The following ARHGAP21 variants were observed in gnomAD, a reference collection of about 807,000 sequenced individuals.
ARHGAP21 encodes rho GTPase-activating protein 21.
In ARHGAP21, 38 loss-of-function variants were observed where a neutral mutation model predicts 164.6. The observed-to-expected ratio is 0.23, with a 90% CI of 0.18 to 0.30. The LOEUF (loss-of-function observed/expected upper bound fraction) is 0.30, where lower values mean the gene tolerates loss of function less well. ARHGAP21 is among the 10% of genes least tolerant of loss of function. The pLI, the probability that ARHGAP21 is intolerant of heterozygous loss-of-function variation, is 1.00. For missense variants in ARHGAP21, 1,822 were observed against 2,370.7 expected (o/e 0.77, Z 4.81); for synonymous variants, 766 against 857.9 (o/e 0.89, Z 1.87).
At chr10:24,603,967 G>GATAA (rs935722155) in intron 12 of ARHGAP21, among the ~76,000 whole-genome samples, 2 of 138,718 alleles carry the variant, frequency 1.4e-5, no homozygotes, top group African/African-American at 2.7e-5. Context: ...TTTTGGGGAT[G>GATAA]ATAAATAAGG....
intron 4 of ARHGAP21, among the ~76,000 whole-genome samples, chr10:24,639,328 C>CAT (rs775101657): frequency 2.4e-4 from 37 of 151,942 alleles, no homozygotes; most frequent in Non-Finnish European, 3.5e-4. Context: ...TTGTATGTGC[C>CAT]CCCAGTTTAC....
Position 24,604,347 on chromosome 10 carries a change from A to T in ARHGAP21, c.2686T>A (p.Ser896Thr). The change falls in exon 12 of 26, where the codon TCC becomes ACC. Residue 896 changes from serine (S) to threonine (T), a missense_variant and splice_region_variant. Physicochemically the swap from Ser to Thr is moderately conservative, Grantham distance 58 (BLOSUM62 1). Around this residue, in one of 5 missense-constraint regions of ARHGAP21, gnomAD observed 1,090 missense variants for 1,378.9 expected, o/e 0.79. Coordinates refer to ENST00000396432, the MANE Select transcript of ARHGAP21 (RefSeq NM_020824.4). ...LDDYREDAKL[S>T]FKHVSSLKGI... is the part of the protein sequence containing the mutation. ...TTCAGACTAGATACGTGCTTAAAGGACCTGTTGGGGAAAAAATATATAAAT... is the reference window on the plus strand; with the variant it reads ...TTCAGACTAGATACGTGCTTAAAGGTCCTGTTGGGGAAAAAATATATAAAT... 6.3e-7 allele frequency: 1 copy of T among 1,589,318 alleles called. No individual in the cohort carries two copies. The highest frequency in any genetic ancestry group is 1.2e-5 in the South Asian group (1 of 85,242).
chr10:24,628,818 T>TAC (rs1298947021), intron 7 of ARHGAP21, among the ~76,000 whole-genome samples: 2 of 140,942 alleles, frequency 1.4e-5, no homozygotes, highest in Admixed American at 1.5e-4. Context: ...TATATATACA[T>TAC]ATACACACAT....
At chr10:24,590,575 G>GT in intron 24 of ARHGAP21, 1 of 1,465,680 alleles carries the variant, frequency 6.8e-7, no homozygotes, top group South Asian at 1.4e-5. Flanking sequence ...AGAACATTGT[G>GT]TAAAACAACA....
chr10:24,652,187 A>G (rs892411060), intron 4 of ARHGAP21, among the ~76,000 whole-genome samples: 1 of 128,766 alleles, frequency 7.8e-6, no homozygotes, highest in African/African-American at 2.9e-5. Flanking sequence ...AAGCAAGTCT[A>G]GAAACAGATC....
intron 8 of ARHGAP21, 71 bp from the exon 9 acceptor site, chr10:24,621,440 C>T: frequency 7.3e-7 from 1 of 1,368,288 alleles, no homozygotes; most frequent in South Asian, 1.5e-5. Context: ...TTTTACAGTG[C>T]ACTATTTTAT....
At chr10:24,672,020 A>G (rs369850677) in intron 2 of ARHGAP21, among the ~76,000 whole-genome samples, 55 of 148,856 alleles carry the variant, frequency 3.7e-4, no homozygotes, top group African/African-American at 1.2e-3. Context: ...GTGAGCCACC[A>G]CACTTGGCCA....
chr10:24,690,946 G>A (rs189366873), intron 2 of ARHGAP21, among the ~76,000 whole-genome samples: 13 of 151,698 alleles, frequency 8.6e-5, no homozygotes, highest in Non-Finnish European at 1.3e-4. Flanking sequence ...AGTCTCCAGC[G>A]TCTTTAAGAT....
Position 24,721,960 on chromosome 10 carries a change from A to G in ARHGAP21, c.-61T>C, listed in dbSNP as rs1440705123. 1.3e-6 allele frequency: 2 copies of G among 1,553,286 alleles called. No homozygotes were observed. The highest frequency in any genetic ancestry group is 1.8e-6 in the Non-Finnish European group (2 of 1,129,072). ...GGAGTCCACATTGGACGTGGCGGGG[A>G]ATGCCACCACACACCCGAAGGGGAA... is the stretch of plus-strand genomic sequence containing the variant. On this transcript the variant is annotated 5_prime_UTR_variant, in exon 2 of 26. Coordinates refer to ENST00000396432, the MANE Select transcript of ARHGAP21 (RefSeq NM_020824.4).
chr10:24,668,979 C>T (rs1283086342), intron 3 of ARHGAP21, among the ~76,000 whole-genome samples: 2 of 152,088 alleles, frequency 1.3e-5, no homozygotes, highest in Non-Finnish European at 2.9e-5. Flanking sequence ...TCATATGTGA[C>T]CTAATGCGTA....
intron 4 of ARHGAP21, among the ~76,000 whole-genome samples, chr10:24,656,345 G>C (rs1291047554): frequency 2.8e-5 from 3 of 107,850 alleles, no homozygotes; most frequent in African/African-American, 1.2e-4. Flanking sequence ...GAGATGGGGG[G>C]GTCAGCCCCC....
At chr10:24,690,681 TAGC>T (rs1466347289) in intron 2 of ARHGAP21, among the ~76,000 whole-genome samples, 2 of 151,686 alleles carry the variant, frequency 1.3e-5, no homozygotes, top group African/African-American at 2.4e-5. Context: ...ATACAAAAAT[TAGC>T]AGGTGTGGTA....
At chr10:24,703,721 C>T (rs892896773) in intron 2 of ARHGAP21, among the ~76,000 whole-genome samples, 6 of 152,142 alleles carry the variant, frequency 3.9e-5, no homozygotes, top group African/African-American at 1.4e-4. Context: ...TCCTTCCTTC[C>T]CATCCTGCCT....
In ARHGAP21 at chr10:24,597,550, C is replaced by T. The variant is rs1320562568; in HGVS notation, c.3231G>A (p.Gln1077=). The change falls in exon 16 of 26, where the codon CAG becomes CAA. Residue 1077 remains glutamine, a synonymous_variant. Transcript: ENST00000396432. The part of the protein sequence containing the change: ...KAEQLPKTPR[Q]SLSIRQTLLG... ...GCAAAGTTTGCCTGATGCTGAGACT[C>T]TGGCGAGGTGTTTTTGGCAACTGTT... 6.2e-7 allele frequency: 1 copy of T among 1,614,108 alleles called. No individual in the cohort carries two copies. Among genetic ancestry groups the T allele is most frequent in the Admixed American group, 1.7e-5 (1 of 60,014 alleles).
chr10:24,677,560 T>G (rs1841377110), intron 2 of ARHGAP21, among the ~76,000 whole-genome samples: 1 of 152,182 alleles, frequency 6.6e-6, no homozygotes, highest in African/African-American at 2.4e-5. Context: ...ATAAATCCGT[T>G]GTAGTTTATC....
chr10:24,631,699 T>C (rs4748959), intron 6 of ARHGAP21, among the ~76,000 whole-genome samples: 75,492 of 152,072 alleles, frequency 0.5, 18,979 homozygotes, highest in Middle Eastern at 0.55. Flanking sequence ...TAAACTCCTG[T>C]GCAAGGACAC....
At chr10:24,607,245 C>T (rs950326796) in intron 11 of ARHGAP21, among the ~76,000 whole-genome samples, 1 of 152,122 alleles carries the variant, frequency 6.6e-6, no homozygotes, top group Non-Finnish European at 1.5e-5. Context: ...AAAACAGTAA[C>T]ATATTATGTC....
intron 2 of ARHGAP21, among the ~76,000 whole-genome samples, chr10:24,677,550 A>G (rs1028314769): frequency 1.3e-5 from 2 of 152,222 alleles, no homozygotes; most frequent in Non-Finnish European, 2.9e-5. Context: ...CTAACTTATC[A>G]TAAATCCGTT....
chr10:24,688,693 T>C (rs1260148693), intron 2 of ARHGAP21, among the ~76,000 whole-genome samples: 1 of 152,162 alleles, frequency 6.6e-6, no homozygotes, highest in Non-Finnish European at 1.5e-5. Flanking sequence ...CATTTACTCA[T>C]TAGTTCTCAG....
Sources: allele counts gnomAD v4.1 joint callset (sites outside exome capture counted in the v4.1 genomes callset), GRCh38; gene constraint gnomAD v4.1.1; regional missense constraint gnomAD v4.1.1; transcripts MANE v1.5; gene names NCBI Gene and HGNC (gene_info 2026-07-23, HGNC 2026-07-21).